SHISA9: variants seen among roughly 807,000 people sequenced by gnomAD.
SHISA9 encodes the protein shisa family member 9, also known as protein shisa-9.
Under a neutral mutation model 38.0 loss-of-function variants are expected in SHISA9, and 13 were observed. The observed-to-expected ratio is 0.34, with a 90% CI of 0.22 to 0.54. The LOEUF (loss-of-function observed/expected upper bound fraction) is 0.54. Ranked by LOEUF, SHISA9 falls within the 20% of genes least tolerant of loss-of-function variation. The probability of loss-of-function intolerance (pLI) is 0.91; values close to 1 mark genes in which losing one functional copy is unlikely to be tolerated. For missense variants in SHISA9, 538 were observed against 575.8 expected (o/e 0.93, Z 0.67); for synonymous variants, 275 against 242.0 (o/e 1.14, Z -1.27).
At chr16:13,121,541 CTT>C (rs1339409196) in intron 2 of SHISA9, among the ~76,000 whole-genome samples, 2 of 152,102 alleles carry the variant, frequency 1.3e-5, no homozygotes, top group Admixed American at 6.5e-5. Flanking sequence ...CTGTAATAAT[CTT>C]ATATTACTTT....
chr16:13,227,130 G>A (rs750657113), intron 4 of SHISA9, among the ~76,000 whole-genome samples: 18 of 152,266 alleles, frequency 1.2e-4, no homozygotes, highest in Non-Finnish European at 2.6e-4. Context: ...ATTCCAGGAT[G>A]GCAGGAACCA....
the SHISA9 span, among the ~76,000 whole-genome samples, chr16:13,248,137 C>G: frequency 2.0e-5 from 3 of 152,212 alleles, no homozygotes; most frequent in Non-Finnish European, 2.9e-5. Flanking sequence ...TCTCTTGGGT[C>G]TTATTAGTTG....
intron 2 of SHISA9, among the ~76,000 whole-genome samples, chr16:12,924,567 C>T (rs985965638): frequency 1.3e-5 from 2 of 152,070 alleles, no homozygotes; most frequent in African/African-American, 4.8e-5. Context: ...ATCTATGATT[C>T]TAAGGGTTTT....
the SHISA9 span, among the ~76,000 whole-genome samples, chr16:13,266,595 G>A: frequency 1.3e-5 from 2 of 152,194 alleles, no homozygotes; most frequent in East Asian, 3.9e-4. Flanking sequence ...GGAGGCTCAG[G>A]CCCCCCAGAA....
the SHISA9 span, among the ~76,000 whole-genome samples, chr16:13,307,434 G>A: frequency 4.6e-5 from 7 of 152,298 alleles, no homozygotes; most frequent in South Asian, 1.5e-3. Context: ...TGGTGTGAAA[G>A]GGGATACGCT....
chr16:13,427,106 G>C, the SHISA9 span, among the ~76,000 whole-genome samples: 2 of 152,184 alleles, frequency 1.3e-5, no homozygotes, highest in Non-Finnish European at 2.9e-5. Context: ...AAACATTGTT[G>C]GCTGGCATTG....
chr16:13,008,665 T>TCCCCCCCCCCCCCCC (rs1567179939), intron 2 of SHISA9, among the ~76,000 whole-genome samples: 1 of 26,182 alleles, frequency 3.8e-5, no homozygotes, highest in Admixed American at 3.9e-4. Context: ...CTCCCTCCCT[T>TCCCCCCCCCCCCCCC]CCTCCCTCCC....
the SHISA9 span, among the ~76,000 whole-genome samples, chr16:13,246,733 ATCT>A: frequency 1.7e-3 from 257 of 152,246 alleles, 7 homozygotes; most frequent in South Asian, 0.039. Context: ...GTTAGGAATA[ATCT>A]TCTATTATTA....
At chr16:13,174,320 C>G (rs1365577782) in intron 2 of SHISA9, among the ~76,000 whole-genome samples, 3 of 152,110 alleles carry the variant, frequency 2.0e-5, no homozygotes, top group Non-Finnish European at 2.9e-5. Context: ...TCTGGGAACC[C>G]AGATATTCCT....
At chr16:13,086,173 T>A (rs2073708042) in intron 2 of SHISA9, among the ~76,000 whole-genome samples, 1 of 151,748 alleles carries the variant, frequency 6.6e-6, no homozygotes. Context: ...CTGGCCAACA[T>A]GATGAAACCC....
chr16:13,514,256 G>T, the SHISA9 span, among the ~76,000 whole-genome samples: 1 of 151,836 alleles, frequency 6.6e-6, no homozygotes, highest in Non-Finnish European at 1.5e-5. Context: ...ACCTCCCGAA[G>T]TGCTGGGATT....
the SHISA9 span, among the ~76,000 whole-genome samples, chr16:13,277,359 A>C: frequency 6.6e-6 from 1 of 151,762 alleles, no homozygotes; most frequent in Non-Finnish European, 1.5e-5. Flanking sequence ...GATGCCTCCA[A>C]ATTAGTTCTT....
Position 13,094,353 on chromosome 16 carries a change from A to T in SHISA9, c.692-109041A>T, listed in dbSNP as rs578223000. Among the ~76,000 whole-genome samples the T allele has an allele frequency of 3.3e-5, 5 of 152,334 alleles. No individual in the cohort carries two copies. In the South Asian group the frequency reaches 8.3e-4, roughly 25 times the overall value. ...GCTAAGAGCCAATGTATTGCTAAAT[A>T]TACTCATTCTTATAAAATCTGCTAT... On this transcript the variant is annotated intron_variant, in intron 2 of 4. Transcript: ENST00000558583.
chr16:12,976,072 T>C (rs559606853), intron 2 of SHISA9, among the ~76,000 whole-genome samples: 4 of 152,222 alleles, frequency 2.6e-5, no homozygotes, highest in Admixed American at 1.3e-4. Context: ...TTCCTACTTA[T>C]TGCTCTAGAA....
chr16:13,459,193 C>T, the SHISA9 span, among the ~76,000 whole-genome samples: 1 of 152,086 alleles, frequency 6.6e-6, no homozygotes. Flanking sequence ...ATTGAAACTC[C>T]AAATGAAGAT....
rs1388094313 is a variant in SHISA9, at chr16:13,045,935, T to C, written c.691+129120T>C. On this transcript the variant is annotated intron_variant, in intron 2 of 4. Transcript: ENST00000558583. ...GACCTTTTGACGAGTCTGCAGAGCA[T>C]GGATTTATTATATGTCAATGTTTGT... 2.0e-5 allele frequency among the ~76,000 whole-genome samples: 3 copies of C among 152,326 alleles called. No individual in the cohort carries two copies. In the East Asian group the frequency reaches 5.8e-4, roughly 29 times the overall value.
chr16:12,948,202 A>G (rs1423536042), intron 2 of SHISA9, among the ~76,000 whole-genome samples: 1 of 152,106 alleles, frequency 6.6e-6, no homozygotes, highest in East Asian at 1.9e-4. Context: ...ATGTCTACTC[A>G]TTTGCTCAGG....
At chr16:12,910,658 G>A in intron 1 of SHISA9, 9 of 985,400 alleles carry the variant, frequency 9.1e-6, no homozygotes, top group Non-Finnish European at 1.1e-5. Context: ...AAACAATTTT[G>A]TTTCAACATA....
At chr16:13,118,180 TAAAAAAAAAA>T (rs543126630) in intron 2 of SHISA9, among the ~76,000 whole-genome samples, 9 of 84,050 alleles carry the variant, frequency 1.1e-4, no homozygotes, top group Non-Finnish European at 2.2e-4. Context: ...AGACTTCGTC[TAAAAAAAAAA>T]AAAAAAAAAA....
Sources: gnomAD v4.1 joint callset for allele counts (sites outside exome capture counted in the v4.1 genomes callset) on GRCh38, gnomAD v4.1.1 for gene constraint, MANE v1.5 for transcripts, NCBI Gene and HGNC (gene_info 2026-07-23, HGNC 2026-07-21) for gene names.